Variants in FAT1 observed in about 807,000 individuals in gnomAD.
FAT1 encodes the protein protocadherin Fat 1.
Under a neutral mutation model 329.8 loss-of-function variants are expected in FAT1, and 171 were observed. The ratio of observed to expected loss-of-function variants is 0.52; its 90% CI spans 0.46 to 0.59. FAT1 has a LOEUF of 0.59. Ranked by LOEUF, FAT1 falls within the 20% of genes least tolerant of loss-of-function variation. The pLI is 0.00. For synonymous variants in FAT1, 2,233 were observed against 2,228.6 expected, an observed-to-expected ratio of 1.00 and a Z score of -0.06; for missense variants, 5,672 against 5,774.4, an observed-to-expected ratio of 0.98 and a Z score of 0.57.
intron 1 of FAT1, among the ~76,000 whole-genome samples, chr4:186,715,520 G>T (rs183538025): frequency 7.5e-4 from 114 of 152,304 alleles, no homozygotes; most frequent in Admixed American, 2.0e-3. Flanking sequence ...CACGAATTCA[G>T]GTTTCACTAT....
intron 3 of FAT1, among the ~76,000 whole-genome samples, chr4:186,649,338 T>C (rs1741523035): frequency 6.6e-6 from 1 of 152,182 alleles, no homozygotes; most frequent in Non-Finnish European, 1.5e-5. Context: ...GAACAGCATA[T>C]TTTCCGTCTT....
chr4:186,619,251 C>A lies in FAT1; in HGVS notation c.7335G>T (p.Gly2445=), dbSNP rs2126503658. The A allele has an allele frequency of 6.2e-7, 1 of 1,613,960 alleles. No homozygotes were observed. Among genetic ancestry groups the A allele is most frequent in the Non-Finnish European group, 8.5e-7 (1 of 1,179,894 alleles). The change falls in exon 10 of 27, where the codon GGG becomes GGT. Residue 2445 remains glycine (G), a synonymous_variant. Coordinates refer to ENST00000441802, the MANE Select transcript of FAT1 (RefSeq NM_005245.4). ...HKHFVIDSAT[G]IITLSNLHRH... ...GGTGCAGGTTTGAGAGGGTGATAAT[C>A]CCTGTTGCACTGTCAATGACAAAAT...
chr4:186,712,446 A>G (rs1321019859), intron 1 of FAT1, among the ~76,000 whole-genome samples: 1 of 152,172 alleles, frequency 6.6e-6, no homozygotes, highest in East Asian at 1.9e-4. Context: ...CATAGGTTTA[A>G]TGAGCATCTA....
At chr4:186,700,774 C>G (rs963170067) in intron 2 of FAT1, among the ~76,000 whole-genome samples, 4 of 152,174 alleles carry the variant, frequency 2.6e-5, no homozygotes, top group Admixed American at 1.3e-4. Context: ...ACAGAGTCCA[C>G]CCGGTGGTTG....
Position 186,709,138 on chromosome 4 carries a change from CT to C in FAT1, c.689del (p.Lys230SerfsTer14). 1.2e-6 allele frequency: 2 copies of C among 1,614,018 alleles called. No individual in the cohort carries two copies. Among genetic ancestry groups the C allele is most frequent in the Non-Finnish European group, 1.7e-6 (2 of 1,179,888 alleles). ...TGCTGATGCCACTGCTCCCATACAA[CT>C]TCATGCCACGGTCCGCAGCGAGGAT... ...MEILAADRGMKLYGSSGISSM... is the reference protein window; with the variant it reads ...MEILAADRGMXLYGSSGISSM... On this transcript the variant is annotated frameshift_variant, in exon 2 of 27. Coordinates refer to ENST00000441802, the MANE Select transcript of FAT1 (RefSeq NM_005245.4). LOFTEE classifies it high-confidence loss of function.
chr4:186,614,956 G>C (rs1204994903), intron 11 of FAT1, among the ~76,000 whole-genome samples: 3 of 106,188 alleles, frequency 2.8e-5, no homozygotes, highest in African/African-American at 1.8e-4. Flanking sequence ...CTTGTTTCCA[G>C]TTCCAATTAT....
At chr4:186,632,285 G>A (rs1028505623) in intron 7 of FAT1, among the ~76,000 whole-genome samples, 1 of 152,166 alleles carries the variant, frequency 6.6e-6, no homozygotes, top group African/African-American at 2.4e-5. Context: ...CTTTAGTAAT[G>A]AGAATGCTTG....
intron 2 of FAT1, among the ~76,000 whole-genome samples, chr4:186,701,945 C>T (rs74772720): frequency 1.3e-5 from 2 of 151,794 alleles, no homozygotes; most frequent in Non-Finnish European, 2.9e-5. Context: ...CTAAGCCGGG[C>T]GGCCAGGAGC....
In FAT1 at chr4:186,588,591, G is replaced by A. The variant is rs759393542; in HGVS notation, c.*1C>T. 6.2e-7 allele frequency: 1 copy of A among 1,606,586 alleles called. No homozygotes were observed. Among genetic ancestry groups the A allele is most frequent in the East Asian group, 2.2e-5 (1 of 44,814 alleles). On this transcript the variant is annotated 3_prime_UTR_variant, in exon 27 of 27. Transcript: ENST00000441802. ...TCAGGCACTTTGGGGGGAGTTGAGAGTCAGACTTCCGTGTGCTGCTGGGAA... is the reference window on the plus strand; with the variant it reads ...TCAGGCACTTTGGGGGGAGTTGAGAATCAGACTTCCGTGTGCTGCTGGGAA...
At chr4:186,715,479 T>C (rs1052993825) in intron 1 of FAT1, among the ~76,000 whole-genome samples, 2 of 152,178 alleles carry the variant, frequency 1.3e-5, no homozygotes, top group Non-Finnish European at 2.9e-5. Context: ...TTGGAAGACA[T>C]TGTTAACCGT....
chr4:186,689,556 G>A (rs565805929), intron 2 of FAT1, among the ~76,000 whole-genome samples: 3 of 152,246 alleles, frequency 2.0e-5, no homozygotes, highest in Non-Finnish European at 4.4e-5. Context: ...TCACACACTC[G>A]CTTAACATCA....
chr4:186,716,527 A>T (rs1339935265), intron 1 of FAT1, among the ~76,000 whole-genome samples: 1 of 151,798 alleles, frequency 6.6e-6, no homozygotes, highest in African/African-American at 2.4e-5. Context: ...TTCCAGGCTC[A>T]AGTGATCCTC....
intron 1 of FAT1, among the ~76,000 whole-genome samples, chr4:186,717,587 TC>T (rs1377367836): frequency 6.6e-6 from 1 of 152,174 alleles, no homozygotes; most frequent in Non-Finnish European, 1.5e-5. Flanking sequence ...ATTTAATCAA[TC>T]CAAAATAGAT....
At position 186,628,491 on chromosome 4, in the gene FAT1, G is replaced by T; in HGVS notation, c.4596C>A (p.Val1532=). The change falls in exon 8 of 27, where the codon GTC becomes GTA. Residue 1532 remains valine (V), a synonymous_variant. Transcript: ENST00000441802. The part of the protein sequence containing the change: ...HEAVHQHTLT[V]MVRDQDVPVK... The stretch of plus-strand genomic sequence containing the variant: ...GGAGAGCGGGTAGAGCGCCTACCAT[G>T]ACCGTGAGGGTGTGCTGGTGAACAG... 2 of 1,613,986 alleles carry T rather than the reference G, an allele frequency of 1.2e-6. No homozygotes were observed. Among genetic ancestry groups the T allele is most frequent in the South Asian group, 1.1e-5 (1 of 91,068 alleles).
At chr4:186,645,089 G>T (rs904265357) in intron 3 of FAT1, among the ~76,000 whole-genome samples, 4 of 152,038 alleles carry the variant, frequency 2.6e-5, no homozygotes, top group Non-Finnish European at 5.9e-5. Context: ...TTCCAGAAAA[G>T]TGTGGACTTG....
At chr4:186,692,166 A>G (rs538916550) in intron 2 of FAT1, among the ~76,000 whole-genome samples, 1 of 152,336 alleles carries the variant, frequency 6.6e-6, no homozygotes, top group South Asian at 2.1e-4. Context: ...ACACGTTTCT[A>G]TTTCAAATCC....
chr4:186,678,309 A>T (rs186271661), intron 2 of FAT1, among the ~76,000 whole-genome samples: 1 of 152,062 alleles, frequency 6.6e-6, no homozygotes, highest in East Asian at 1.9e-4. Flanking sequence ...AGAAGATAAA[A>T]ATATAAATAA....
intron 15 of FAT1, among the ~76,000 whole-genome samples, chr4:186,609,545 T>G (rs1014106199): frequency 6.6e-6 from 1 of 152,034 alleles, no homozygotes; most frequent in Non-Finnish European, 1.5e-5. Context: ...GCCTCCCGAG[T>G]AGCTGGGACT....
Position 186,708,273 on chromosome 4 carries a change from C to A in FAT1, c.1555G>T (p.Val519Leu), listed in dbSNP as rs1300813965. 3 of 1,613,966 alleles carry A rather than the reference C, an allele frequency of 1.9e-6. No individual in the cohort carries two copies. The highest frequency in any genetic ancestry group is 2.5e-6 in the Non-Finnish European group (3 of 1,179,892). ...PFAIDHFTGA[V>L]STSENLDYEL... Reference sequence around the variant, plus strand: ...TAGTCCAGGTTTTCTGACGTACTCACGGCACCAGTGAAATGGTCAATCGCA... The same window carrying A: ...TAGTCCAGGTTTTCTGACGTACTCAAGGCACCAGTGAAATGGTCAATCGCA... Residue 519 changes from valine (V) to leucine (L), a missense_variant, in exon 2 of 27, where the codon GTG becomes TTG. Val to Leu is a conservative substitution (Grantham distance 32). Coordinates refer to ENST00000441802, the MANE Select transcript of FAT1 (RefSeq NM_005245.4).
Sources: gnomAD v4.1 joint callset for allele counts (sites outside exome capture counted in the v4.1 genomes callset) on GRCh38, gnomAD v4.1.1 for gene constraint, MANE v1.5 for transcripts, NCBI Gene and HGNC (gene_info 2026-07-23, HGNC 2026-07-21) for gene names.